DNAH10: variants seen among roughly 807,000 people sequenced by gnomAD.
The protein encoded by DNAH10 is axonemal beta dynein heavy chain 10.
In DNAH10, 348 loss-of-function variants were observed where a neutral mutation model predicts 506.6. The observed-to-expected ratio is 0.69, with a 90% CI of 0.63 to 0.75. The LOEUF is 0.75. Ranked by LOEUF, DNAH10 falls within the 30% of genes least tolerant of loss-of-function variation. The probability of loss-of-function intolerance (pLI) is 0.00; values close to 1 mark genes in which losing one functional copy is unlikely to be tolerated. For synonymous variants in DNAH10, 2,059 were observed against 2,198.6 expected, an observed-to-expected ratio of 0.94 and a Z score of 1.78; for missense variants, 5,179 against 5,787.1, an observed-to-expected ratio of 0.89 and a Z score of 3.41.
Position 123,850,938 on chromosome 12 carries a change from C to T in DNAH10, c.6153C>T (p.Thr2051=), listed in dbSNP as rs1322962435. 6.2e-7 allele frequency: 1 copy of T among 1,613,844 alleles called. No homozygotes were observed. The highest frequency in any genetic ancestry group is 1.3e-5 in the African/African-American group (1 of 74,944). The change falls in exon 35 of 79, where the codon ACC becomes ACT. Residue 2051 remains threonine, a synonymous_variant. Coordinates refer to ENST00000673944, the MANE Select transcript of DNAH10 (RefSeq NM_001372106.1). This position sits in a 1 kb window ranked among gnomAD's most constrained non-coding sequence, Gnocchi z 5.5. The part of the protein sequence containing the change: ...SLDSRMGIFI[T]MNPGYAGRTE... ...ACTCCCGCATGGGCATCTTCATCAC[C>T]ATGAACCCCGGCTACGCAGGCCGCA...
At chr12:123,832,979 C>G (rs973284000) in intron 26 of DNAH10, 135 bp from the exon 27 acceptor site, 2 of 661,542 alleles carry the variant, frequency 3.0e-6, no homozygotes, top group Admixed American at 5.5e-5. Flanking sequence ...TGACAGAATC[C>G]CAACTTTTCA....
intron 13 of DNAH10, 44 bp from the exon 14 acceptor site, chr12:123,799,202 T>TCACCG: frequency 1.3e-6 from 2 of 1,562,396 alleles, no homozygotes; most frequent in South Asian, 1.2e-5. Flanking sequence ...ATGAAAAATG[T>TCACCG]TATTTTCAAG....
intron 46 of DNAH10, among the ~76,000 whole-genome samples, chr12:123,874,397 A>G (rs1191650888): frequency 6.6e-6 from 1 of 151,234 alleles, no homozygotes; most frequent in Non-Finnish European, 1.5e-5. Context: ...TTACCTACCT[A>G]TCTGTTCACC....
chr12:123,783,983 G>T lies in DNAH10; in HGVS notation c.1036G>T (p.Glu346Ter). Residue 346 changes from glutamate to a stop codon, truncating the protein, a stop_gained, in exon 8 of 79, where the codon GAA (glutamate) becomes TAA (stop). Transcript: ENST00000673944. LOFTEE classifies it high-confidence loss of function. ...GPLAEIEFWR[E>*]RNATLSALHE... Reference sequence around the variant, plus strand: ...TCTGGCTGAAATTGAATTCTGGAGGGAAAGAAATGCAACCTTAAGTGCGCT... The same window carrying T: ...TCTGGCTGAAATTGAATTCTGGAGGTAAAGAAATGCAACCTTAAGTGCGCT... The T allele has an allele frequency of 6.2e-7, 1 of 1,614,180 alleles. No individual in the cohort carries two copies. Among genetic ancestry groups the T allele is most frequent in the East Asian group, 2.2e-5 (1 of 44,888 alleles).
intron 65 of DNAH10, 60 bp from the exon 66 acceptor site, chr12:123,923,703 A>C: frequency 8.1e-7 from 1 of 1,236,468 alleles, no homozygotes; most frequent in South Asian, 1.4e-5. Context: ...GTGCATAAGA[A>C]ACTCAGTTTT....
rs1355905253 is a variant in DNAH10, at chr12:123,838,399, A to G, written c.4903-57A>G. 10 of 1,491,328 alleles carry G rather than the reference A, an allele frequency of 6.7e-6. No homozygotes were observed. In the Admixed American group the frequency reaches 1.8e-4, roughly 27 times the overall value. The allele number at this position is 1,491,328 out of a possible 1,614,324, so 92.4% of individuals were successfully genotyped here. ...GAGTGCCTGTTCTGGGCTCAAGAAC[A>G]GTGTCTCCGCTCTCCCTGCTCACCC... is the stretch of plus-strand genomic sequence containing the variant. On this transcript the variant is annotated intron_variant, in intron 28 of 78. Coordinates refer to ENST00000673944, the MANE Select transcript of DNAH10 (RefSeq NM_001372106.1).
At chr12:123,885,933 T>C (rs1952708208) in intron 51 of DNAH10, among the ~76,000 whole-genome samples, 1 of 152,250 alleles carries the variant, frequency 6.6e-6, no homozygotes, top group Non-Finnish European at 1.5e-5. Flanking sequence ...GAACTCTTTA[T>C]ATAGGAGAGC....
Position 123,833,135 on chromosome 12 carries a change from A to G in DNAH10, c.4567A>G (p.Thr1523Ala), listed in dbSNP as rs1191272473. 5 of 1,612,134 alleles carry G rather than the reference A, an allele frequency of 3.1e-6. No homozygotes were observed. Among genetic ancestry groups the G allele is most frequent in the East Asian group, 4.5e-5 (2 of 44,874 alleles). The change falls in exon 27 of 79, where the codon ACG becomes GCG. Residue 1523 changes from threonine (T) to alanine (A), a missense_variant. By Grantham distance (58) the Thr-to-Ala change is moderately conservative (BLOSUM62 0). Transcript: ENST00000673944. ...IEKAVKEILD[T>A]WENMKFTVVK... is the part of the protein sequence containing the mutation. The stretch of plus-strand genomic sequence containing the variant: ...ACAGGCTGTGAAGGAAATCCTAGAC[A>G]CGTGGGAAAATATGAAATTCACTGT...
At chr12:123,839,005 G>A (rs1950669713) in intron 29 of DNAH10, among the ~76,000 whole-genome samples, 1 of 151,966 alleles carries the variant, frequency 6.6e-6, no homozygotes, top group African/African-American at 2.4e-5. Context: ...GGAGAGATGA[G>A]GTCTCACTGT....
At chr12:123,864,063 G>A (rs914079569) in intron 39 of DNAH10, among the ~76,000 whole-genome samples, 1 of 151,770 alleles carries the variant, frequency 6.6e-6, no homozygotes, top group African/African-American at 2.4e-5. Flanking sequence ...CTTCCAGCTT[G>A]CCCAAGAAGT....
intron 6 of DNAH10, 42 bp from the exon 7 acceptor site, chr12:123,783,042 GAATGTTTCTCTTTGTAATCATTT>G: frequency 6.5e-7 from 1 of 1,544,962 alleles, no homozygotes; most frequent in Non-Finnish European, 8.9e-7. Flanking sequence ...CGGTGAACTT[GAATGTTTCTCTTTGTAATCATTT>G]TTCCTGAACG....
intron 8 of DNAH10, among the ~76,000 whole-genome samples, chr12:123,784,398 T>G (rs552867870): frequency 6.6e-6 from 1 of 152,076 alleles, no homozygotes; most frequent in African/African-American, 2.4e-5. Context: ...AATACAAAAA[T>G]TAGCTGGGTA....
At chr12:123,840,394 G>GTTTTTTT (rs71088961) in intron 29 of DNAH10, among the ~76,000 whole-genome samples, 1 of 37,758 alleles carries the variant, frequency 2.6e-5, no homozygotes, top group Non-Finnish European at 5.3e-5. Flanking sequence ...TCTGTTTCCA[G>GTTTTTTT]TTTTTTTTTT....
rs75587926 is a variant in DNAH10 at position 123,923,697 on chromosome 12, A to G, written c.11507-66A>G. On this transcript the variant is annotated intron_variant, in intron 65 of 78. Transcript: ENST00000673944. The stretch of plus-strand genomic sequence containing the variant: ...TATCTTACGTTTAAGCACAGTGTGC[A>G]TAAGAAACTCAGTTTTTTAAAAATG... The G allele has an allele frequency of 0.016, 17,476 of 1,117,736 alleles. 1,246 individuals are homozygous for G. In the African/African-American group the frequency reaches 0.19, roughly 12 times the overall value. 69.2% of individuals were successfully genotyped at this position (1,117,736 alleles called of 1,614,324 possible). A position where few individuals can be genotyped will look rare whatever the true frequency, so the allele number is the denominator to read the frequency against.
In DNAH10 at chr12:123,845,878, T is replaced by A. The variant is rs1594176973; in HGVS notation, c.5630+9T>A. ...TCTTTCATAAGAGGCAGGTGAGCATTTTCCGGGGTCACTGGCATTTCAAAA... is the reference window on the plus strand; with the variant it reads ...TCTTTCATAAGAGGCAGGTGAGCATATTCCGGGGTCACTGGCATTTCAAAA... On this transcript the variant is annotated intron_variant, in intron 31 of 78. Coordinates refer to ENST00000673944, the MANE Select transcript of DNAH10 (RefSeq NM_001372106.1). 6.2e-7 allele frequency: 1 copy of A among 1,613,348 alleles called. No homozygotes were observed. Among genetic ancestry groups the A allele is most frequent in the South Asian group, 1.1e-5 (1 of 91,080 alleles).
chr12:123,813,726 T>A (rs1453629854), intron 20 of DNAH10, 28 bp from the exon 21 acceptor site: 1 of 1,613,142 alleles, frequency 6.2e-7, no homozygotes, highest in Admixed American at 1.7e-5. Flanking sequence ...CTGTGTTTGC[T>A]TAGTGTTCTT....
intron 24 of DNAH10, among the ~76,000 whole-genome samples, chr12:123,822,044 A>G (rs1311314336): frequency 6.6e-6 from 1 of 152,180 alleles, no homozygotes. Flanking sequence ...CATTTCTACT[A>G]AGAAATACAA....
At chr12:123,878,051 A>T in intron 48 of DNAH10, 143 bp downstream of exon 48, 2 of 1,175,378 alleles carry the variant, frequency 1.7e-6, no homozygotes, top group Non-Finnish European at 2.4e-6. Context: ...TGAAGAAGAG[A>T]GACCAACACT....
chr12:123,864,897 A>G (rs1566013933), intron 40 of DNAH10, among the ~76,000 whole-genome samples, 167 bp downstream of exon 40: 1 of 152,214 alleles, frequency 6.6e-6, no homozygotes, highest in African/African-American at 2.4e-5. Flanking sequence ...ATCCCTCTTT[A>G]TCCCAGAAGT....
Sources: allele counts gnomAD v4.1 joint callset (sites outside exome capture counted in the v4.1 genomes callset), GRCh38; gene constraint gnomAD v4.1.1; non-coding constraint Gnocchi (gnomAD v3.1); transcripts MANE v1.5; gene names NCBI Gene and HGNC (gene_info 2026-07-23, HGNC 2026-07-21).